The following ATP12A variants were observed in gnomAD, a reference collection of about 807,000 sequenced individuals.
The protein encoded by ATP12A is ATPase H+/K+ transporting non-gastric alpha2 subunit, also known as potassium-transporting ATPase alpha chain 2.
Under a neutral mutation model 111.2 loss-of-function variants are expected in ATP12A, and 81 were observed. The ratio of observed to expected loss-of-function variants is 0.73; its 90% confidence interval spans 0.61 to 0.88. The LOEUF (loss-of-function observed/expected upper bound fraction) is 0.88, where lower values mean the gene tolerates loss of function less well. ATP12A is among the 40% of genes least tolerant of loss of function. ATP12A has a pLI of 0.00. For synonymous variants in ATP12A, 498 were observed against 499.8 expected, an observed-to-expected ratio of 1.00 and a Z score of 0.05; for missense variants, 1,196 against 1,313.1, an observed-to-expected ratio of 0.91 and a Z score of 1.38.
At chr13:24,709,225 A>T in intron 17 of ATP12A, 139 bp from the exon 18 acceptor site, 1 of 959,966 alleles carries the variant, frequency 1.0e-6, no homozygotes, top group Non-Finnish European at 1.5e-6. Context: ...CACGCCCTCT[A>T]CTGCCTATAG....
At chr13:24,680,906 G>C (rs559287964) in intron 1 of ATP12A, among the ~76,000 whole-genome samples, 154 bp downstream of exon 1, 2 of 152,354 alleles carry the variant, frequency 1.3e-5, no homozygotes, top group South Asian at 4.1e-4. Flanking sequence ...GCGCCCCCCG[G>C]CCTGGGCACC....
In ATP12A at chr13:24,680,477, A is replaced by T; in HGVS notation, c.-267A>T. The T allele has an allele frequency of 2.3e-6, 1 of 433,918 alleles. No homozygotes were observed. Among genetic ancestry groups the T allele is most frequent in the Non-Finnish European group, 4.1e-6 (1 of 246,396 alleles). 26.9% of individuals were successfully genotyped at this position (433,918 alleles called of 1,614,324 possible). On this transcript the variant is annotated 5_prime_UTR_variant, in exon 1 of 23. Coordinates refer to ENST00000381946, the MANE Select transcript of ATP12A (RefSeq NM_001676.7). ...CTGCGCGCGCGCCGGCGGGTTTCCT[A>T]CCCTCCGAGGCGTCCGCTGGCCTGC...
intron 2 of ATP12A, among the ~76,000 whole-genome samples, chr13:24,683,584 T>C (rs79981812): frequency 0.19 from 28,112 of 151,222 alleles, 3,260 homozygotes; most frequent in African/African-American, 0.33. Flanking sequence ...TTTAACAGTA[T>C]ACCACTGGGC....
intron 14 of ATP12A, among the ~76,000 whole-genome samples, chr13:24,702,646 A>G (rs1256786795): frequency 6.6e-6 from 1 of 152,206 alleles, no homozygotes; most frequent in African/African-American, 2.4e-5. Flanking sequence ...CCAACTGTAC[A>G]TTCACTCATG....
chr13:24,699,224 A>T (rs1209395761), intron 12 of ATP12A, among the ~76,000 whole-genome samples: 1 of 152,186 alleles, frequency 6.6e-6, no homozygotes, highest in Non-Finnish European at 1.5e-5. Context: ...GCACTGTCAC[A>T]GAAACAGGGT....
Position 24,688,327 on chromosome 13 carries a change from C to T in ATP12A, c.237C>T (p.Ser79=), listed in dbSNP as rs1416809171. Residue 79 remains serine, a synonymous_variant, in exon 4 of 23, where the codon TCC becomes TCT. Transcript: ENST00000381946. ...TTGTTTGGCTTTCCCAGGGTCTCTC[C>T]AGCACCAGAGCTGCCGAGCTCCTGG... is the stretch of plus-strand genomic sequence containing the variant. ...KYGTDIIMGL[S]STRAAELLAR... 6.2e-6 allele frequency: 10 copies of T among 1,613,092 alleles called. No homozygotes were observed. The highest frequency in any genetic ancestry group is 3.3e-5 in the South Asian group (3 of 90,884).
intron 14 of ATP12A, among the ~76,000 whole-genome samples, chr13:24,705,693 A>C (rs1255806159): frequency 6.6e-6 from 1 of 152,162 alleles, no homozygotes; most frequent in Non-Finnish European, 1.5e-5. Context: ...TTTTTGAGAC[A>C]GGGTCTCACT....
chr13:24,711,239 G>A, intron 21 of ATP12A, 79 bp from the exon 22 acceptor site: 1 of 1,295,138 alleles, frequency 7.7e-7, no homozygotes, highest in Non-Finnish European at 1.1e-6. Flanking sequence ...AAATGAACGA[G>A]AAGCCCCATT....
chr13:24,698,550 T>C, intron 11 of ATP12A, 108 bp from the exon 12 acceptor site: 2 of 1,219,014 alleles, frequency 1.6e-6, no homozygotes, highest in East Asian at 2.5e-5. Context: ...CGGAACATGC[T>C]GAGGATGCCA....
Position 24,680,754 on chromosome 13 carries a change from T to G in ATP12A, c.9+2T>G. On this transcript the variant is annotated splice_donor_variant, in intron 1 of 22. Transcript: ENST00000381946. LOFTEE classifies it high-confidence loss of function. Reference sequence around the variant, plus strand: ...CGCCACCAGCCCAGCATGCACCAGGTGCGTGCAGCCCCCGCGCCGGCCGAG... The same window carrying G: ...CGCCACCAGCCCAGCATGCACCAGGGGCGTGCAGCCCCCGCGCCGGCCGAG... The G allele has an allele frequency of 2.7e-6, 4 of 1,499,390 alleles. No individual in the cohort carries two copies. Among genetic ancestry groups the G allele is most frequent in the Non-Finnish European group, 3.5e-6 (4 of 1,131,658 alleles). The allele number at this position is 1,499,390 out of a possible 1,614,324, so 92.9% of individuals were successfully genotyped here. A position where few individuals can be genotyped will look rare whatever the true frequency, so the allele number is the denominator to read the frequency against.
chr13:24,685,522 C>A lies in ATP12A; in HGVS notation c.228+149C>A. 1 of 740,478 alleles carries A rather than the reference C, an allele frequency of 1.4e-6. No homozygotes were observed. The allele number at this position is 740,478 out of a possible 1,614,324, so 45.9% of individuals were successfully genotyped here. On this transcript the variant is annotated intron_variant, in intron 3 of 22. Transcript: ENST00000381946. The surrounding 1 kb of genome is among the most constrained non-coding windows in gnomAD (Gnocchi z 5.5). ...CCTTTGAGACTGCAGTTATTTGCAT[C>A]TGGACACAGTTCAAGTCAACAGAAA...
chr13:24,710,901 C>T lies in ATP12A; in HGVS notation c.2999+8C>T. The T allele has an allele frequency of 6.2e-7, 1 of 1,609,788 alleles. No homozygotes were observed. The highest frequency in any genetic ancestry group is 8.5e-7 in the Non-Finnish European group (1 of 1,176,162). On this transcript the variant is annotated splice_region_variant and intron_variant, in intron 21 of 22. Transcript: ENST00000381946. ...GAGTTTCACCATGCTTAGGTGAGTT[C>T]ACCCTCAACAGCATGGAGGAAAGAG...
intron 11 of ATP12A, among the ~76,000 whole-genome samples, chr13:24,696,837 C>T (rs1276366271): frequency 6.6e-6 from 1 of 151,226 alleles, no homozygotes; most frequent in Non-Finnish European, 1.5e-5. Flanking sequence ...TACACATGAG[C>T]GGTGCTCAGC....
chr13:24,686,478 C>T (rs781316843), intron 3 of ATP12A, among the ~76,000 whole-genome samples: 1 of 148,200 alleles, frequency 6.7e-6, no homozygotes, highest in African/African-American at 2.5e-5. Context: ...TGGTGGCTCA[C>T]GCCTGTAATC....
intron 11 of ATP12A, among the ~76,000 whole-genome samples, chr13:24,696,682 G>A (rs1875170206): frequency 1.6e-5 from 1 of 62,790 alleles, no homozygotes. Context: ...ACTGCAGTCC[G>A]CAGTCCGGCC....
intron 3 of ATP12A, among the ~76,000 whole-genome samples, chr13:24,686,950 G>A (rs1002673613): frequency 2.0e-5 from 3 of 152,002 alleles, no homozygotes; most frequent in African/African-American, 7.2e-5. Context: ...GGGTGGAGGC[G>A]ATGATGAACT....
intron 12 of ATP12A, among the ~76,000 whole-genome samples, chr13:24,700,251 C>T (rs1462977940): frequency 6.6e-6 from 1 of 152,156 alleles, no homozygotes. Flanking sequence ...CTCCGCTGAA[C>T]CCCCTTGTTC....
chr13:24,687,636 G>A (rs1394400888), intron 3 of ATP12A, among the ~76,000 whole-genome samples: 5 of 152,202 alleles, frequency 3.3e-5, no homozygotes, highest in Non-Finnish European at 7.3e-5. Context: ...CCCAGGGCAG[G>A]GGCTGCTCAC....
In ATP12A at chr13:24,711,409, AG is replaced by A. The variant is rs1875965269; in HGVS notation, c.3091+1del. 6.2e-7 allele frequency: 1 copy of A among 1,613,748 alleles called. No homozygotes were observed. The highest frequency in any genetic ancestry group is 1.3e-5 in the African/African-American group (1 of 74,898). ...GCTCTTCATCAGGCTCTACCCTGGA[AG>A]TGAGTAGCCTATGATTTTAGAGGCT... On this transcript the variant is annotated splice_donor_variant, in intron 22 of 22. Coordinates refer to ENST00000381946, the MANE Select transcript of ATP12A (RefSeq NM_001676.7). LOFTEE classifies it high-confidence loss of function.
Sources: gnomAD v4.1 joint callset for allele counts (sites outside exome capture counted in the v4.1 genomes callset) on GRCh38, gnomAD v4.1.1 for gene constraint, Gnocchi (gnomAD v3.1) non-coding constraint, MANE v1.5 for transcripts, NCBI Gene and HGNC (gene_info 2026-07-23, HGNC 2026-07-21) for gene names.